The following CFAP46 variants were observed in gnomAD, a reference collection of about 807,000 sequenced individuals.
CFAP46 encodes the protein cilia- and flagella-associated protein 46.
CFAP46 carries 245 observed loss-of-function variants against 325.7 expected under a neutral mutation model. The ratio of observed to expected loss-of-function variants is 0.75; its 90% CI spans 0.68 to 0.84. The LOEUF (loss-of-function observed/expected upper bound fraction) is 0.84, where lower values mean the gene tolerates loss of function less well. CFAP46 is among the 40% of genes least tolerant of loss of function. CFAP46 has a pLI of 0.00. For missense variants in CFAP46, 3,346 were observed against 3,543.0 expected, an observed-to-expected ratio of 0.94 and a Z score of 1.41; for synonymous variants, 1,523 against 1,495.9, an observed-to-expected ratio of 1.02 and a Z score of -0.42.
intron 36 of CFAP46, 69 bp from the exon 37 acceptor site, chr10:132,860,592 G>A (rs532836743): frequency 2.7e-5 from 34 of 1,272,638 alleles, no homozygotes; most frequent in Admixed American, 1.8e-4. Context: ...GCCTGAGGAC[G>A]GGCGGGCAGG....
chr10:132,814,734 G>C lies in CFAP46; in HGVS notation c.7201C>G (p.Arg2401Gly), dbSNP rs756766636. 4 of 1,613,442 alleles carry C rather than the reference G, an allele frequency of 2.5e-6. No homozygotes were observed. The highest frequency in any genetic ancestry group is 3.4e-6 in the Non-Finnish European group (4 of 1,179,790). Residue 2401 changes from arginine (R) to glycine (G), a missense_variant, in exon 52 of 58, where the codon CGG becomes GGG. By Grantham distance (125) the Arg-to-Gly change is moderately radical. Transcript: ENST00000368586. Reference sequence around the variant, plus strand: ...ATGATGCAGTCAGGGGGGATGGTCCGGGGGATGCTGCCCTGCAACCACAGA... The same window carrying C: ...ATGATGCAGTCAGGGGGGATGGTCCCGGGGATGCTGCCCTGCAACCACAGA... ...AKKGRKGSIP[R>G]TIPPDCIIVD... is the part of the protein sequence containing the mutation.
In CFAP46 at chr10:132,919,241, G is replaced by T. The variant is rs966874746; in HGVS notation, c.1858+74C>A. The T allele has an allele frequency of 1.7e-5, 25 of 1,454,904 alleles. No individual in the cohort carries two copies. Among genetic ancestry groups the T allele is most frequent in the Non-Finnish European group, 2.1e-5 (23 of 1,092,150 alleles). 90.1% of individuals were successfully genotyped at this position (1,454,904 alleles called of 1,614,324 possible). ...AAGGCCCCATGGGTTGTCATTGCAC[G>T]AACCACAACCCTTCCCACACCCAGA... On this transcript the variant is annotated intron_variant, in intron 15 of 57. Transcript: ENST00000368586. The surrounding 1 kb of genome is among the most constrained non-coding windows in gnomAD (Gnocchi z 9.7).
chr10:132,812,528 C>T (rs4638229), intron 55 of CFAP46, among the ~76,000 whole-genome samples: 14,748 of 152,116 alleles, frequency 0.097, 831 homozygotes, highest in African/African-American at 0.15. Flanking sequence ...TGGGGGCACT[C>T]GGAAATGAAG....
At chr10:132,820,736 CTGA>C (rs1394159037) in intron 50 of CFAP46, among the ~76,000 whole-genome samples, 3 of 69,598 alleles carry the variant, frequency 4.3e-5, no homozygotes, top group Non-Finnish European at 6.8e-5. Context: ...TGTGTGTGCA[CTGA>C]TGTGTGCTGT....
In CFAP46 at chr10:132,877,553, T is replaced by C. The variant is rs990503880; in HGVS notation, c.4212+328A>G. ...GACAACGTGCTCTGTGCAAACTGCG[T>C]GCATTACGTGGCTAGCTCCAGGCCC... On this transcript the variant is annotated intron_variant, in intron 30 of 57. Transcript: ENST00000368586. This position sits in a 1 kb window ranked among gnomAD's most constrained non-coding sequence, Gnocchi z 5.7. 4.6e-5 allele frequency among the ~76,000 whole-genome samples: 7 copies of C among 152,190 alleles called. No homozygotes were observed. The highest frequency in any genetic ancestry group is 1.7e-4 in the African/African-American group (7 of 41,444).
intron 37 of CFAP46, 70 bp from the exon 38 acceptor site, chr10:132,859,317 G>A: frequency 2.9e-6 from 4 of 1,360,520 alleles, no homozygotes; most frequent in Non-Finnish European, 3.9e-6. Context: ...CGGCTGGGCT[G>A]CCGCTGTTCT....
chr10:132,850,254 G>A lies in CFAP46; in HGVS notation c.5942C>T (p.Ala1981Val), dbSNP rs370707045. Residue 1981 changes from alanine to valine, a missense_variant, in exon 41 of 58, where the codon GCG becomes GTG. Transcript: ENST00000368586. ...DPVHPTCYWE[A>V]GPSVGAKLSG... is the part of the protein sequence containing the mutation. ...AGCAGGAGCACCTACCGAGGGGCCC[G>A]CCTCCCAGTAGCAGGTAGGGTGCAC... is the stretch of plus-strand genomic sequence containing the variant. 3.5e-5 allele frequency: 55 copies of A among 1,550,644 alleles called. No homozygotes were observed. The highest frequency in any genetic ancestry group is 1.7e-4 in the South Asian group (14 of 84,034).
intron 54 of CFAP46, 53 bp from the exon 55 acceptor site, chr10:132,812,950 C>T: frequency 1.4e-6 from 2 of 1,390,526 alleles, no homozygotes; most frequent in Admixed American, 1.8e-5. Context: ...TGTACCAGAC[C>T]CCACCGTGCG....
intron 54 of CFAP46, among the ~76,000 whole-genome samples, chr10:132,813,710 C>T (rs1847632593): frequency 6.6e-6 from 1 of 151,792 alleles, no homozygotes; most frequent in Non-Finnish European, 1.5e-5. Flanking sequence ...CCTGCCCCTG[C>T]AGCCCCGCCC....
At position 132,869,056 on chromosome 10, in the gene CFAP46, C is replaced by G. The variant is rs953408466; in HGVS notation, c.4610+218G>C. ...GGGGCTCGGGCCACCCTGGAGAGCCCCCCTCACCGCCCCTCCCTCCCTCTG... is the reference window on the plus strand; with the variant it reads ...GGGGCTCGGGCCACCCTGGAGAGCCGCCCTCACCGCCCCTCCCTCCCTCTG... On this transcript the variant is annotated intron_variant, in intron 33 of 57. Transcript: ENST00000368586. The surrounding 1 kb of genome is among the most constrained non-coding windows in gnomAD (Gnocchi z 6.2). 6.6e-6 allele frequency among the ~76,000 whole-genome samples: 1 copy of G among 152,206 alleles called. No individual in the cohort carries two copies. Among genetic ancestry groups the G allele is most frequent in the Admixed American group, 6.5e-5 (1 of 15,286 alleles).
intron 31 of CFAP46, among the ~76,000 whole-genome samples, chr10:132,875,505 TG>T (rs2135332375): frequency 6.6e-6 from 1 of 152,158 alleles, no homozygotes; most frequent in East Asian, 1.9e-4. Context: ...GCTCAGTAAT[TG>T]ACAATGAGAT....
rs927272662 is a variant in CFAP46, at chr10:132,847,888, G to C, written c.5953-567C>G. On this transcript the variant is annotated intron_variant, in intron 41 of 57. Coordinates refer to ENST00000368586, the MANE Select transcript of CFAP46 (RefSeq NM_001200049.3). This position sits in a 1 kb window ranked among gnomAD's most constrained non-coding sequence, Gnocchi z 5.2. ...AGGCGTCAAAATAAAAACACTGATA[G>C]AAATGGAGAAGGAGTGATGGACATG... Among the ~76,000 whole-genome samples the C allele has an allele frequency of 2.6e-5, 4 of 152,202 alleles. No individual in the cohort carries two copies. The highest frequency in any genetic ancestry group is 2.0e-4 in the Admixed American group (3 of 15,288).
chr10:132,835,549 TG>T, intron 46 of CFAP46, 115 bp from the exon 47 acceptor site: 4 of 1,322,688 alleles, frequency 3.0e-6, no homozygotes, highest in Non-Finnish European at 4.2e-6. Context: ...GCTGCATGGA[TG>T]GAAGTCCCTT....
At chr10:132,821,747 ATGTGTGCTGTGTGTGTGC>A (rs1591033457) in intron 50 of CFAP46, among the ~76,000 whole-genome samples, 1 of 80,184 alleles carries the variant, frequency 1.2e-5, no homozygotes, top group Non-Finnish European at 2.3e-5. Context: ...GTGTGCGCTG[ATGTGTGCTGTGTGTGTGC>A]TGTGTGCTGT....
intron 24 of CFAP46, among the ~76,000 whole-genome samples, chr10:132,897,848 TG>T (rs1172724259): frequency 6.6e-6 from 1 of 152,160 alleles, no homozygotes; most frequent in African/African-American, 2.4e-5. Context: ...GGAGAGAGGC[TG>T]GGGTGGGCTG....
chr10:132,821,453 CTGTGTGTGCTGATGTGTGT>C (rs1847823330), intron 50 of CFAP46, among the ~76,000 whole-genome samples: 1 of 107,732 alleles, frequency 9.3e-6, no homozygotes, highest in Non-Finnish European at 1.8e-5. Context: ...CTGATGTGTG[CTGTGTGTGCTGATGTGTGT>C]TGTGTGTGCT....
intron 44 of CFAP46, chr10:132,837,119 G>A (rs1471763729): frequency 3.9e-6 from 2 of 509,848 alleles, no homozygotes; most frequent in African/African-American, 3.9e-5. Flanking sequence ...GCACGCAAGA[G>A]TCACCGGCGG....
Position 132,919,460 on chromosome 10 carries a change from A to T in CFAP46, c.1731-18T>A. ...TCTGTATCCTGCTCACCGAGAACCCAAACGAGTGAAAGGTGAGTAGACAAG... is the reference window on the plus strand; with the variant it reads ...TCTGTATCCTGCTCACCGAGAACCCTAACGAGTGAAAGGTGAGTAGACAAG... On this transcript the variant is annotated intron_variant, in intron 14 of 57. Transcript: ENST00000368586. This position sits in a 1 kb window ranked among gnomAD's most constrained non-coding sequence, Gnocchi z 9.7. The T allele has an allele frequency of 6.5e-7, 1 of 1,542,320 alleles. No homozygotes were observed. Among genetic ancestry groups the T allele is most frequent in the African/African-American group, 1.4e-5 (1 of 72,570 alleles).
In CFAP46 at chr10:132,872,817, C is replaced by T. The variant is rs1218740785; in HGVS notation, c.4370G>A (p.Ser1457Asn). The change falls in exon 32 of 58, where the codon AGT (serine) becomes AAT (asparagine). Residue 1457 changes from serine (S) to asparagine (N), a missense_variant. Ser to Asn is a conservative substitution (Grantham distance 46). Transcript: ENST00000368586. ...GACCAGGTGGTCCAGGAAATACAAA[C>T]TGTATGTCTACATGGACACATAACA... ...NPSSIQKPTY[S>N]LYFLDHLVKA... The T allele has an allele frequency of 1.3e-6, 2 of 1,551,056 alleles. No homozygotes were observed. The highest frequency in any genetic ancestry group is 2.7e-5 in the African/African-American group (2 of 73,060).
Sources: gnomAD v4.1 joint callset for allele counts (sites outside exome capture counted in the v4.1 genomes callset) on GRCh38, gnomAD v4.1.1 for gene constraint, Gnocchi (gnomAD v3.1) non-coding constraint, MANE v1.5 for transcripts, NCBI Gene and HGNC (gene_info 2026-07-23, HGNC 2026-07-21) for gene names.